RPS6KC1: variants seen among roughly 807,000 people sequenced by gnomAD.
The protein encoded by RPS6KC1 is ribosomal protein S6 kinase C1.
Under a neutral mutation model 103.8 loss-of-function variants are expected in RPS6KC1, and 54 were observed. The observed-to-expected ratio is 0.52, with a 90% confidence interval of 0.42 to 0.65. The LOEUF is 0.65. RPS6KC1 is among the 30% of genes least tolerant of loss of function. The pLI, the probability that RPS6KC1 is intolerant of heterozygous loss-of-function variation, is 0.00. For missense variants in RPS6KC1, 1,151 were observed against 1,253.8 expected, an observed-to-expected ratio of 0.92 and a Z score of 1.24; for synonymous variants, 439 against 438.7, an observed-to-expected ratio of 1.00 and a Z score of -0.01.
chr1:213,446,891 A>C, the RPS6KC1 span, among the ~76,000 whole-genome samples: 1 of 152,218 alleles, frequency 6.6e-6, no homozygotes, highest in Non-Finnish European at 1.5e-5. Context: ...TTTGTTTGCT[A>C]TGAAAGCAGA....
At chr1:213,846,957 T>A in the RPS6KC1 span, among the ~76,000 whole-genome samples, 4 of 152,190 alleles carry the variant, frequency 2.6e-5, no homozygotes, top group Non-Finnish European at 5.9e-5. Flanking sequence ...GGGTTGATAC[T>A]TCACCCCCAA....
chr1:213,717,423 A>G, the RPS6KC1 span, among the ~76,000 whole-genome samples: 2 of 152,260 alleles, frequency 1.3e-5, no homozygotes, highest in Non-Finnish European at 1.5e-5. Context: ...CAGAGGGAAG[A>G]ACATGTGTGC....
At chr1:213,254,047 T>A (rs1168463566) in intron 12 of RPS6KC1, among the ~76,000 whole-genome samples, 1 of 152,230 alleles carries the variant, frequency 6.6e-6, no homozygotes, top group Non-Finnish European at 1.5e-5. Context: ...ATATCTTGGC[T>A]TATTGAAGAG....
chr1:213,141,424 T>A (rs1288488963), intron 6 of RPS6KC1, among the ~76,000 whole-genome samples: 2 of 152,112 alleles, frequency 1.3e-5, no homozygotes, highest in African/African-American at 4.8e-5. Flanking sequence ...TTGGTAATAG[T>A]CTCTGAAGGT....
the RPS6KC1 span, among the ~76,000 whole-genome samples, chr1:213,497,997 AC>A: frequency 6.6e-6 from 1 of 152,164 alleles, no homozygotes; most frequent in Admixed American, 6.5e-5. Context: ...AAGTTTTCAA[AC>A]CGTTAAGGGA....
the RPS6KC1 span, among the ~76,000 whole-genome samples, chr1:213,549,550 C>G: frequency 6.6e-6 from 1 of 151,146 alleles, no homozygotes; most frequent in Non-Finnish European, 1.5e-5. Context: ...CAAAGTAGGG[C>G]AAGAAGGAGG....
At chr1:213,082,148 C>T (rs920431472) in intron 3 of RPS6KC1, among the ~76,000 whole-genome samples, 3 of 151,922 alleles carry the variant, frequency 2.0e-5, no homozygotes, top group Non-Finnish European at 2.9e-5. Flanking sequence ...GGGCCCGGCA[C>T]GGTGGCTCAT....
the RPS6KC1 span, among the ~76,000 whole-genome samples, chr1:213,584,510 T>A: frequency 6.6e-6 from 1 of 152,244 alleles, no homozygotes; most frequent in Admixed American, 6.5e-5. Flanking sequence ...CCATTATCTA[T>A]GGATGCTCTG....
chr1:213,114,476 T>C (rs1177371362), intron 4 of RPS6KC1, among the ~76,000 whole-genome samples: 34 of 151,662 alleles, frequency 2.2e-4, no homozygotes, highest in Non-Finnish European at 4.4e-5. Flanking sequence ...TGGGGTTTTC[T>C]AGATATACAA....
chr1:213,861,374 G>A, the RPS6KC1 span, among the ~76,000 whole-genome samples: 6 of 152,248 alleles, frequency 3.9e-5, no homozygotes, highest in African/African-American at 9.6e-5. Flanking sequence ...CACTTTCTAA[G>A]AGAAAGCTGG....
chr1:213,320,028 G>A, the RPS6KC1 span, among the ~76,000 whole-genome samples: 1 of 152,352 alleles, frequency 6.6e-6, no homozygotes, highest in African/African-American at 2.4e-5. Context: ...CTCTGAGCTT[G>A]TAGCACAGTC....
intron 14 of RPS6KC1, among the ~76,000 whole-genome samples, chr1:213,267,226 T>C (rs183964051): frequency 3.9e-5 from 6 of 151,922 alleles, no homozygotes; most frequent in African/African-American, 1.4e-4. Context: ...ATACAACCTC[T>C]GTTCAGTCAC....
chr1:213,173,413 C>T (rs892317928), intron 7 of RPS6KC1, among the ~76,000 whole-genome samples: 1 of 152,182 alleles, frequency 6.6e-6, no homozygotes, highest in African/African-American at 2.4e-5. Flanking sequence ...GGTTATTTCT[C>T]ATAGAAAGAC....
At chr1:213,219,363 G>T (rs901907155) in intron 8 of RPS6KC1, among the ~76,000 whole-genome samples, 2 of 152,160 alleles carry the variant, frequency 1.3e-5, no homozygotes, top group Admixed American at 1.3e-4. Context: ...GAAACAACAG[G>T]TGCTGGAAAG....
chr1:213,321,196 C>T, the RPS6KC1 span, among the ~76,000 whole-genome samples: 1 of 152,200 alleles, frequency 6.6e-6, no homozygotes, highest in South Asian at 2.1e-4. Context: ...GGGTGATGGG[C>T]TCAAACTCCA....
At chr1:213,407,930 C>T in the RPS6KC1 span, among the ~76,000 whole-genome samples, 1 of 152,130 alleles carries the variant, frequency 6.6e-6, no homozygotes, top group African/African-American at 2.4e-5. Context: ...GTATACGTGG[C>T]CCTTAGAGTA....
chr1:213,449,989 C>T, the RPS6KC1 span, among the ~76,000 whole-genome samples: 1 of 152,224 alleles, frequency 6.6e-6, no homozygotes, highest in Non-Finnish European at 1.5e-5. Flanking sequence ...GCTTTCCCCT[C>T]CATTGCCCCA....
At chr1:213,792,223 C>CTG in the RPS6KC1 span, among the ~76,000 whole-genome samples, 2 of 152,164 alleles carry the variant, frequency 1.3e-5, no homozygotes, top group Non-Finnish European at 2.9e-5. Flanking sequence ...GGGTATGTAA[C>CTG]TGTTTTGAAC....
the RPS6KC1 span, among the ~76,000 whole-genome samples, chr1:213,536,975 A>G: frequency 6.6e-6 from 1 of 152,178 alleles, no homozygotes; most frequent in African/African-American, 2.4e-5. Flanking sequence ...CTGCGTTCCT[A>G]CAATTCATTG....
Sources: allele counts gnomAD v4.1 joint callset (sites outside exome capture counted in the v4.1 genomes callset), GRCh38; gene constraint gnomAD v4.1.1; transcripts MANE v1.5; gene names NCBI Gene and HGNC (gene_info 2026-07-23, HGNC 2026-07-21).